Variants in PIGP observed in about 807,000 individuals in gnomAD.
PIGP encodes the protein phosphatidylinositol N-acetylglucosaminyltransferase subunit P.
Under a neutral mutation model 16.9 loss-of-function variants are expected in PIGP, and 12 were observed. The observed-to-expected ratio is 0.71, with a 90% CI of 0.46 to 1.15. The LOEUF (loss-of-function observed/expected upper bound fraction) is 1.15, where lower values mean the gene tolerates loss of function less well. Among genes scored for constraint, PIGP ranks in the 50% most tolerant of loss-of-function variants. The pLI, the probability that PIGP is intolerant of heterozygous loss-of-function variation, is 0.00. For synonymous variants in PIGP, 57 were observed against 54.7 expected (o/e 1.04, Z -0.18); for missense variants, 159 against 153.5 (o/e 1.04, Z -0.19).
At chr21:37,070,282 C>T (rs532089867) in intron 2 of PIGP, among the ~76,000 whole-genome samples, 3 of 152,260 alleles carry the variant, frequency 2.0e-5, no homozygotes, top group African/African-American at 4.8e-5. Flanking sequence ...CCAAGGTAAG[C>T]GGCAAAGATA....
chr21:37,072,736 G>A, intron 1 of PIGP, 199 bp from the exon 2 acceptor site: 2 of 782,018 alleles, frequency 2.6e-6, no homozygotes, highest in African/African-American at 1.7e-5. Flanking sequence ...AGGGGTGGCG[G>A]AGGATAGGGC....
At chr21:37,067,051 A>C (rs2069917482) in intron 4 of PIGP, among the ~76,000 whole-genome samples, 1 of 149,218 alleles carries the variant, frequency 6.7e-6, no homozygotes, top group African/African-American at 2.5e-5. Flanking sequence ...TTGTCACCCA[A>C]GCTGGAGTAC....
Position 37,065,479 on chromosome 21 carries a change from C to A in PIGP, c.*103G>T, listed in dbSNP as rs1362813966. ...GAAGGTCAACTTACATTTTTTACTTCTCTATTAATAAGAGAGATGGTCAAA... is the reference window on the plus strand; with the variant it reads ...GAAGGTCAACTTACATTTTTTACTTATCTATTAATAAGAGAGATGGTCAAA... On this transcript the variant is annotated 3_prime_UTR_variant, in exon 5 of 5. Coordinates refer to ENST00000360525, the MANE Select transcript of PIGP (RefSeq NM_153682.3). 4.5e-5 allele frequency: 52 copies of A among 1,143,820 alleles called. No individual in the cohort carries two copies. Among genetic ancestry groups the A allele is most frequent in the Non-Finnish European group, 1.2e-5 (10 of 812,810 alleles). 70.9% of individuals were successfully genotyped at this position (1,143,820 alleles called of 1,614,324 possible).
rs147205657 is a variant in PIGP, at chr21:37,072,539, T to C, written c.-22-2A>G. The C allele has an allele frequency of 1.2e-6, 2 of 1,614,070 alleles. No individual in the cohort carries two copies. Among genetic ancestry groups the C allele is most frequent in the African/African-American group, 2.7e-5 (2 of 74,952 alleles). ...ATTTTTCCTGGGGCTTTAGACAATC[T>C]GTGGAAAAGGAACACAATCAGCGTC... On this transcript the variant is annotated splice_acceptor_variant, in intron 1 of 4. Coordinates refer to ENST00000360525, the MANE Select transcript of PIGP (RefSeq NM_153682.3). LOFTEE classifies it low-confidence loss of function (5UTR_SPLICE).
chr21:37,067,564 A>G (rs954296213), intron 3 of PIGP, among the ~76,000 whole-genome samples, 184 bp from the exon 4 acceptor site: 1 of 151,980 alleles, frequency 6.6e-6, no homozygotes, highest in East Asian at 1.9e-4. Flanking sequence ...CACCATCCCA[A>G]CCCTGGGGTC....
chr21:37,067,253 T>TA lies in PIGP; in HGVS notation c.274+8dup. 1 of 1,475,552 alleles carries TA rather than the reference T, an allele frequency of 6.8e-7. No individual in the cohort carries two copies. Among genetic ancestry groups the TA allele is most frequent in the Non-Finnish European group, 9.5e-7 (1 of 1,054,330 alleles). 91.4% of individuals were successfully genotyped at this position (1,475,552 alleles called of 1,614,324 possible). A position where few individuals can be genotyped will look rare whatever the true frequency, so the allele number is the denominator to read the frequency against. ...ATTGCCCCAGCACTTTCCTTTTATA[T>TA]AAAGTTACCTGTGATTGTATGGATG... is the stretch of plus-strand genomic sequence containing the variant. On this transcript the variant is annotated intron_variant, in intron 4 of 4. Coordinates refer to ENST00000360525, the MANE Select transcript of PIGP (RefSeq NM_153682.3).
At chr21:37,070,998 T>C (rs191051681) in intron 2 of PIGP, among the ~76,000 whole-genome samples, 142 of 152,344 alleles carry the variant, frequency 9.3e-4, no homozygotes, top group African/African-American at 3.1e-3. Flanking sequence ...CGACCTCAGA[T>C]GATCTGCCTG....
At chr21:37,072,025 T>C in intron 2 of PIGP, 1 of 749,630 alleles carries the variant, frequency 1.3e-6, no homozygotes, top group Admixed American at 1.8e-5. Flanking sequence ...TCTTTCCTAA[T>C]CAGCATCAGT....
Position 37,072,498 on chromosome 21 carries a change from C to T in PIGP, c.18G>A (p.Pro6=). The change falls in exon 2 of 5, where the codon CCG becomes CCA. Residue 6 remains proline, a synonymous_variant. Transcript: ENST00000360525. ...AAATCGCTCTTTCTGGCAATGGCGA[C>T]GGTGAATTTTCCACCATTTTTCCTG... MVENS[P]SPLPERAIYG... 2 of 1,614,224 alleles carry T rather than the reference C, an allele frequency of 1.2e-6. No homozygotes were observed. The highest frequency in any genetic ancestry group is 1.7e-6 in the Non-Finnish European group (2 of 1,180,024).
At chr21:37,071,254 A>C (rs2070003967) in intron 2 of PIGP, among the ~76,000 whole-genome samples, 1 of 152,236 alleles carries the variant, frequency 6.6e-6, no homozygotes, top group South Asian at 2.1e-4. Flanking sequence ...CAACAGTCAG[A>C]AGAGGCAGCA....
intron 4 of PIGP, among the ~76,000 whole-genome samples, chr21:37,066,007 CA>C (rs1316347878): frequency 4.6e-5 from 7 of 152,030 alleles, no homozygotes; most frequent in Non-Finnish European, 7.4e-5. Flanking sequence ...AGCGTGAACC[CA>C]GGGGGCGGAG....
In PIGP at chr21:37,072,044, G is replaced by T. The variant is rs908062301; in HGVS notation, c.82+390C>A. ...TCCTAATCAGCATCAGTGCCAGGGG[G>T]AAAGGCCTCTGTAGAAAGCCTTGAC... On this transcript the variant is annotated intron_variant, in intron 2 of 4. Transcript: ENST00000360525. The T allele has an allele frequency of 2.2e-5, 17 of 773,878 alleles. No homozygotes were observed. The African/African-American group carries it at 2.4e-4, about 11-fold the overall frequency. The allele number at this position is 773,878 out of a possible 1,614,324, so 47.9% of individuals were successfully genotyped here. A position where few individuals can be genotyped will look rare whatever the true frequency, so the allele number is the denominator to read the frequency against.
intron 3 of PIGP, 35 bp from the exon 4 acceptor site, chr21:37,067,415 C>T: frequency 3.4e-6 from 4 of 1,193,406 alleles, no homozygotes; most frequent in Non-Finnish European, 2.5e-6. Context: ...ATAATAGACA[C>T]TTTAAAAAAG....
chr21:37,067,827 C>T (rs1019917666), intron 3 of PIGP, among the ~76,000 whole-genome samples: 1 of 152,056 alleles, frequency 6.6e-6, no homozygotes, highest in Non-Finnish European at 1.5e-5. Flanking sequence ...AACTGAGGAT[C>T]TTAGTACATT....
chr21:37,070,153 T>C (rs936001255), intron 2 of PIGP, among the ~76,000 whole-genome samples: 1 of 152,212 alleles, frequency 6.6e-6, no homozygotes, highest in African/African-American at 2.4e-5. Flanking sequence ...CACTGTGGGT[T>C]AAGCACAGTT....
intron 2 of PIGP, among the ~76,000 whole-genome samples, chr21:37,071,081 T>G (rs546728413): frequency 3.9e-5 from 6 of 152,374 alleles, no homozygotes; most frequent in African/African-American, 1.4e-4. Context: ...CTTAAAGTGA[T>G]TGCTTTTATT....
At chr21:37,072,911 C>T (rs1569302167) in intron 1 of PIGP, 89 bp downstream of exon 1, 2 of 299,380 alleles carry the variant, frequency 6.7e-6, no homozygotes, top group Non-Finnish European at 1.2e-5. Flanking sequence ...GTGGAGACTT[C>T]TATTTCTCAT....
chr21:37,068,091 C>A (rs75522418), intron 3 of PIGP, among the ~76,000 whole-genome samples: 4,160 of 151,636 alleles, frequency 0.027, 81 homozygotes, highest in Middle Eastern at 0.045. Flanking sequence ...TCACTAGCCT[C>A]AATCTGCTGA....
chr21:37,071,045 G>A (rs999004959), intron 2 of PIGP, among the ~76,000 whole-genome samples: 1 of 152,220 alleles, frequency 6.6e-6, no homozygotes, highest in Non-Finnish European at 1.5e-5. Flanking sequence ...ACAGGCGTGA[G>A]CCACCAGGCC....
Sources: gnomAD v4.1 joint callset for allele counts (sites outside exome capture counted in the v4.1 genomes callset) on GRCh38, gnomAD v4.1.1 for gene constraint, MANE v1.5 for transcripts, NCBI Gene and HGNC (gene_info 2026-07-23, HGNC 2026-07-21) for gene names.